Variants in CTNND2 observed in about 807,000 individuals in gnomAD.
CTNND2 encodes the protein catenin delta-2.
A neutral mutation model predicts 144.4 loss-of-function variants in CTNND2; 22 were observed. That is an observed-to-expected ratio of 0.15 (90% CI 0.11 to 0.22). The LOEUF is 0.22. Ranked by LOEUF, CTNND2 falls within the 10% of genes least tolerant of loss-of-function variation. The pLI, the probability that CTNND2 is intolerant of heterozygous loss-of-function variation, is 1.00. For synonymous variants in CTNND2, 751 were observed against 695.6 expected (o/e 1.08, Z -1.25); for missense variants, 1,353 against 1,618.8 (o/e 0.84, Z 2.82).
At chr5:11,782,075 C>T (rs922096994) in intron 1 of CTNND2, among the ~76,000 whole-genome samples, 1 of 152,112 alleles carries the variant, frequency 6.6e-6, no homozygotes, top group Admixed American at 6.5e-5. Flanking sequence ...CACATGAGAG[C>T]TGATGTTTGT....
At chr5:11,503,304 T>G (rs1256538939) in intron 3 of CTNND2, among the ~76,000 whole-genome samples, 1 of 152,224 alleles carries the variant, frequency 6.6e-6, no homozygotes, top group Non-Finnish European at 1.5e-5. Flanking sequence ...AAGTCCTAGT[T>G]TCTTTTCATA....
chr5:11,773,646 C>T (rs1299478438), intron 1 of CTNND2, among the ~76,000 whole-genome samples: 1 of 151,878 alleles, frequency 6.6e-6, no homozygotes, highest in Non-Finnish European at 1.5e-5. Flanking sequence ...CCTGTCTCTA[C>T]CAAAAATACA....
intron 1 of CTNND2, among the ~76,000 whole-genome samples, chr5:11,900,284 G>T (rs985481924): frequency 3.3e-5 from 5 of 152,132 alleles, no homozygotes; most frequent in Non-Finnish European, 7.4e-5. Context: ...CCATGATTCA[G>T]AGCTTGGAAT....
chr5:11,259,931 G>A (rs2149952205), intron 9 of CTNND2, among the ~76,000 whole-genome samples: 1 of 152,274 alleles, frequency 6.6e-6, no homozygotes. Flanking sequence ...TTTTTTAAAG[G>A]GATAAACACG....
intron 1 of CTNND2, among the ~76,000 whole-genome samples, chr5:11,869,159 G>A (rs1795909983): frequency 1.3e-5 from 2 of 152,082 alleles, no homozygotes; most frequent in African/African-American, 2.4e-5. Context: ...ATGTGAAATG[G>A]TACAGTCTAT....
intron 1 of CTNND2, among the ~76,000 whole-genome samples, chr5:11,775,727 G>A (rs1339110166): frequency 6.6e-6 from 1 of 152,218 alleles, no homozygotes; most frequent in East Asian, 1.9e-4. Flanking sequence ...GTATGTGTCT[G>A]CAGCCTTGGG....
chr5:11,707,934 T>TG (rs1785796745), intron 2 of CTNND2, among the ~76,000 whole-genome samples: 5 of 152,204 alleles, frequency 3.3e-5, no homozygotes, highest in Non-Finnish European at 7.3e-5. Context: ...TCTAAGAACT[T>TG]TCCACTCCTA....
At chr5:11,305,946 A>C (rs1016271947) in intron 9 of CTNND2, among the ~76,000 whole-genome samples, 3 of 152,226 alleles carry the variant, frequency 2.0e-5, no homozygotes, top group African/African-American at 7.2e-5. Context: ...GGTCTATACA[A>C]ATGGCTTACC....
chr5:11,257,931 T>A (rs574036490), intron 9 of CTNND2, among the ~76,000 whole-genome samples: 164 of 152,320 alleles, frequency 1.1e-3, no homozygotes, highest in African/African-American at 3.7e-3. Context: ...AACATCGCCA[T>A]CATTCTCCTA....
chr5:11,387,352 G>A (rs1759196869), intron 6 of CTNND2, among the ~76,000 whole-genome samples: 1 of 152,120 alleles, frequency 6.6e-6, no homozygotes, highest in South Asian at 2.1e-4. Context: ...CCAGTACTCT[G>A]GGTGATTATG....
At chr5:11,576,607 A>G (rs1240922026) in intron 2 of CTNND2, among the ~76,000 whole-genome samples, 1 of 152,082 alleles carries the variant, frequency 6.6e-6, no homozygotes, top group African/African-American at 2.4e-5. Flanking sequence ...CTAGCTGCAA[A>G]GCTCTCTGTC....
At chr5:11,833,144 G>A (rs1458476) in intron 1 of CTNND2, among the ~76,000 whole-genome samples, 2 of 151,986 alleles carry the variant, frequency 1.3e-5, no homozygotes, top group East Asian at 1.9e-4. Flanking sequence ...AGGCATTTAC[G>A]TGAGAAACAA....
At chr5:11,130,344 T>C (rs1246509611) in intron 12 of CTNND2, among the ~76,000 whole-genome samples, 7 of 152,144 alleles carry the variant, frequency 4.6e-5, no homozygotes, top group South Asian at 4.1e-4. Context: ...TGCACCGTTT[T>C]AAGACTGCCT....
intron 11 of CTNND2, among the ~76,000 whole-genome samples, chr5:11,167,848 G>A (rs944683197): frequency 6.6e-6 from 1 of 150,616 alleles, no homozygotes; most frequent in Non-Finnish European, 1.5e-5. Context: ...AGGACTTCAT[G>A]CACGTGCTAC....
chr5:11,307,741 A>C (rs1294721603), intron 9 of CTNND2, among the ~76,000 whole-genome samples: 1 of 152,210 alleles, frequency 6.6e-6, no homozygotes, highest in Non-Finnish European at 1.5e-5. Context: ...GCAAACATGC[A>C]TTATATTAGA....
At chr5:11,902,158 C>G (rs1737952837) in intron 1 of CTNND2, among the ~76,000 whole-genome samples, 1 of 152,198 alleles carries the variant, frequency 6.6e-6, no homozygotes. Context: ...ATGTAATCGT[C>G]TTCCTTCAAG....
At chr5:11,473,330 AG>A in intron 3 of CTNND2, among the ~76,000 whole-genome samples, 1 of 152,316 alleles carries the variant, frequency 6.6e-6, no homozygotes, top group Non-Finnish European at 1.5e-5. Context: ...AGTATCTTCT[AG>A]CCCACTCCTG....
At chr5:11,368,934 G>T (rs1273269053) in intron 7 of CTNND2, among the ~76,000 whole-genome samples, 1 of 152,144 alleles carries the variant, frequency 6.6e-6, no homozygotes, top group African/African-American at 2.4e-5. Context: ...ATCAAAATAG[G>T]TGTCCTCATG....
chr5:11,397,246 G>A, intron 5 of CTNND2, 43 bp from the exon 6 acceptor site: 1 of 1,558,822 alleles, frequency 6.4e-7, no homozygotes, highest in Non-Finnish European at 8.8e-7. Flanking sequence ...CAGTCTCAGT[G>A]AAGCAGAAAT....
Sources: gnomAD v4.1 joint callset for allele counts (sites outside exome capture counted in the v4.1 genomes callset) on GRCh38, gnomAD v4.1.1 for gene constraint, MANE v1.5 for transcripts, NCBI Gene and HGNC (gene_info 2026-07-23, HGNC 2026-07-21) for gene names.